Variants in ODAD3 observed in about 807,000 individuals in gnomAD.
ODAD3 encodes outer dynein arm docking complex subunit 3.
Under a neutral mutation model 70.9 loss-of-function variants are expected in ODAD3, and 57 were observed. The observed-to-expected ratio is 0.80, with a 90% CI of 0.65 to 1.00. The LOEUF is 1.00. Among genes scored for constraint, ODAD3 ranks in the 50% least tolerant of loss-of-function variants. ODAD3 has a pLI of 0.00. For missense variants in ODAD3, 797 were observed against 763.9 expected (o/e 1.04, Z -0.51); for synonymous variants, 327 against 315.9 (o/e 1.04, Z -0.37).
In ODAD3 at chr19:11,421,052, A is replaced by C. The variant is rs1969120069; in HGVS notation, c.1675+76T>G. 6 of 1,584,504 alleles carry C rather than the reference A, an allele frequency of 3.8e-6. No homozygotes were observed. The Admixed American group carries it at 6.8e-5, about 18-fold the overall frequency. The stretch of plus-strand genomic sequence containing the variant: ...CACTCCACCCCCACCTTGGCCCTGA[A>C]CAGGGTATCTGACAACCTCCTGCTA... On this transcript the variant is annotated intron_variant, in intron 12 of 12. Coordinates refer to ENST00000356392, the MANE Select transcript of ODAD3 (RefSeq NM_145045.5).
chr19:11,431,071 G>T (rs779659402), intron 1 of ODAD3, 51 bp from the exon 2 acceptor site: 3 of 1,600,792 alleles, frequency 1.9e-6, no homozygotes, highest in Non-Finnish European at 2.6e-6. Flanking sequence ...TGGGTGCATG[G>T]GTGCAACATC....
intron 7 of ODAD3, among the ~76,000 whole-genome samples, chr19:11,425,374 T>C (rs1158432363): frequency 2.2e-5 from 3 of 136,692 alleles, no homozygotes; most frequent in African/African-American, 6.4e-5. Context: ...TATGTGTATA[T>C]ATGTGTGTAT....
chr19:11,426,341 TG>T, intron 6 of ODAD3, 75 bp from the exon 7 acceptor site: 1 of 1,605,380 alleles, frequency 6.2e-7, no homozygotes, highest in Admixed American at 1.7e-5. Context: ...GGGAGATAGA[TG>T]GGGGCGGGGG....
At chr19:11,434,251 G>T (rs1969587877) in intron 1 of ODAD3, among the ~76,000 whole-genome samples, 1 of 150,538 alleles carries the variant, frequency 6.6e-6, no homozygotes. Flanking sequence ...CGCGGGTGCA[G>T]TGGCTCACGC....
rs1199817376 is a variant in ODAD3, at chr19:11,430,560, G to A, written c.444+139C>T. The A allele has an allele frequency of 6.2e-6, 5 of 808,642 alleles. No homozygotes were observed. The East Asian group carries it at 1.2e-4, about 20-fold the overall frequency. 50.1% of individuals were successfully genotyped at this position (808,642 alleles called of 1,614,324 possible). The stretch of plus-strand genomic sequence containing the variant: ...CCAGGATGCCAGATACAAGGAAAGT[G>A]AGTAATAAAGATTTAATTGAATGAG... On this transcript the variant is annotated intron_variant, in intron 3 of 12. Transcript: ENST00000356392.
intron 1 of ODAD3, among the ~76,000 whole-genome samples, chr19:11,431,414 T>C (rs982864536): frequency 1.3e-5 from 2 of 151,860 alleles, no homozygotes; most frequent in Non-Finnish European, 2.9e-5. Flanking sequence ...GCCAGGCTCA[T>C]CAACTTAATA....
intron 1 of ODAD3, among the ~76,000 whole-genome samples, chr19:11,434,234 A>C (rs1456706443): frequency 2.0e-5 from 3 of 151,462 alleles, no homozygotes; most frequent in African/African-American, 4.9e-5. Flanking sequence ...AACAAAACAA[A>C]AAAAAACGCG....
At position 11,422,529 on chromosome 19, in the gene ODAD3, A is replaced by G; in HGVS notation, c.1376T>C (p.Met459Thr). 6.3e-7 allele frequency: 1 copy of G among 1,592,522 alleles called. No homozygotes were observed. The highest frequency in any genetic ancestry group is 8.5e-7 in the Non-Finnish European group (1 of 1,171,250). Residue 459 changes from methionine to threonine, a missense_variant, in exon 10 of 13, where the codon ATG becomes ACG. Physicochemically the swap from Met to Thr is moderately conservative, Grantham distance 81 (BLOSUM62 -1). Coordinates refer to ENST00000356392, the MANE Select transcript of ODAD3 (RefSeq NM_145045.5). This position sits in a 1 kb window ranked among gnomAD's most constrained non-coding sequence, Gnocchi z 4.6. ...KDQLERALRA[M>T]QVAKDSLEHL... ...CTCCAGGCTGTCCTTGGCCACTTGC[A>G]TCGCCCGCAAGGCGCGCTCCAGCTG...
At chr19:11,433,979 G>C (rs1050507196) in intron 1 of ODAD3, among the ~76,000 whole-genome samples, 9 of 151,992 alleles carry the variant, frequency 5.9e-5, no homozygotes, top group African/African-American at 1.7e-4. Context: ...AGCACTTTGG[G>C]AGCCAAGGCC....
chr19:11,433,658 G>A (rs113079977), intron 1 of ODAD3, among the ~76,000 whole-genome samples: 1 of 152,218 alleles, frequency 6.6e-6, no homozygotes, highest in African/African-American at 2.4e-5. Context: ...CAGGTGCAGC[G>A]GCCCATGCCT....
chr19:11,425,949 G>C (rs1184872845), intron 7 of ODAD3, among the ~76,000 whole-genome samples, 195 bp downstream of exon 7: 2 of 151,038 alleles, frequency 1.3e-5, no homozygotes, highest in Non-Finnish European at 3.0e-5. Context: ...CAGTCGCTTA[G>C]GAGGGGAGGG....
intron 11 of ODAD3, 139 bp downstream of exon 11, chr19:11,421,538 C>G: frequency 8.3e-7 from 1 of 1,198,738 alleles, no homozygotes; most frequent in Non-Finnish European, 1.2e-6. Flanking sequence ...GCTCGTCAAA[C>G]CTCGCCCGTT....
At chr19:11,428,865 ATTTAT>A (rs1969443652) in intron 3 of ODAD3, among the ~76,000 whole-genome samples, 11 of 117,832 alleles carry the variant, frequency 9.3e-5, no homozygotes, top group Admixed American at 8.2e-4. Flanking sequence ...TTTATTTTTT[ATTTAT>A]TTATTTATTT....
chr19:11,425,340 T>C lies in ODAD3; in HGVS notation c.963+804A>G, dbSNP rs1316496247. Among the ~76,000 whole-genome samples the C allele has an allele frequency of 6.0e-5, 8 of 134,408 alleles. 2 individuals carry two copies. In the East Asian group the frequency reaches 8.9e-4, roughly 15 times the overall value. The allele number at this position is 134,408 out of a possible 152,430, so 88.2% of individuals were successfully genotyped here. On this transcript the variant is annotated intron_variant, in intron 7 of 12. Transcript: ENST00000356392. ...ATGTGTATATGTACATATGTGTATA[T>C]ATGTATATATGTGTATATGTACATA...
intron 7 of ODAD3, among the ~76,000 whole-genome samples, chr19:11,425,557 A>ATATATGTGTGTATGTATGTATATATG (rs1969338669): frequency 7.3e-6 from 1 of 136,618 alleles, no homozygotes; most frequent in Admixed American, 7.6e-5. Flanking sequence ...GTATATATGT[A>ATATATGTGTGTATGTATGTATATATG]TATATGTGTG....
intron 7 of ODAD3, among the ~76,000 whole-genome samples, chr19:11,424,274 C>A (rs1039060310): frequency 6.6e-6 from 1 of 151,756 alleles, no homozygotes; most frequent in East Asian, 1.9e-4. Flanking sequence ...GAGGCTGAGG[C>A]GGGAGGATTG....
chr19:11,427,160 A>G, intron 3 of ODAD3, 120 bp from the exon 4 acceptor site: 1 of 1,121,756 alleles, frequency 8.9e-7, no homozygotes, highest in Non-Finnish European at 1.2e-6. Flanking sequence ...CCCGTTTTCT[A>G]CCCACCTCCC....
chr19:11,422,690 CG>C lies in ODAD3; in HGVS notation c.1277+10del, dbSNP rs1318037645. On this transcript the variant is annotated intron_variant, in intron 9 of 12. Coordinates refer to ENST00000356392, the MANE Select transcript of ODAD3 (RefSeq NM_145045.5). This position sits in a 1 kb window ranked among gnomAD's most constrained non-coding sequence, Gnocchi z 4.6. ...CGCCCCGCCGCCCTCCCCAGAGCCC[CG>C]GTGCCTCACCTCACCAGCGTGGCCT... The C allele has an allele frequency of 6.2e-7, 1 of 1,610,968 alleles. No homozygotes were observed. The highest frequency in any genetic ancestry group is 8.5e-7 in the Non-Finnish European group (1 of 1,179,192).
rs1221395169 is a variant in ODAD3, at chr19:11,421,716, G to C, written c.1551C>G (p.His517Gln). 6.2e-7 allele frequency: 1 copy of C among 1,613,332 alleles called. No homozygotes were observed. The highest frequency in any genetic ancestry group is 1.1e-5 in the South Asian group (1 of 91,084). Residue 517 changes from histidine to glutamine, a missense_variant, in exon 11 of 13, where the codon CAC (histidine) becomes CAG (glutamine). Coordinates refer to ENST00000356392, the MANE Select transcript of ODAD3 (RefSeq NM_145045.5). ...TGTGGCACAGCATCTCCTGCACGTCGTGGCCCTGGAGCTGCGCCTGCAGTT... is the reference window on the plus strand; with the variant it reads ...TGTGGCACAGCATCTCCTGCACGTCCTGGCCCTGGAGCTGCGCCTGCAGTT... The part of the protein sequence containing the change: ...LLKLQAQLQG[H>Q]DVQEMLCHIA...
Sources: gnomAD v4.1 joint callset for allele counts (sites outside exome capture counted in the v4.1 genomes callset) on GRCh38, gnomAD v4.1.1 for gene constraint, Gnocchi (gnomAD v3.1) non-coding constraint, MANE v1.5 for transcripts, NCBI Gene and HGNC (gene_info 2026-07-23, HGNC 2026-07-21) for gene names.